ABCA10: variants seen among roughly 807,000 people sequenced by gnomAD.
The protein encoded by ABCA10 is ATP binding cassette subfamily A member 10.
Under a neutral mutation model 187.5 loss-of-function variants are expected in ABCA10, and 169 were observed. The observed-to-expected ratio is 0.90, with a 90% CI of 0.80 to 1.02. The LOEUF is 1.02. Ranked by LOEUF, ABCA10 falls within the 50% of genes least tolerant of loss-of-function variation. The pLI is 0.00. For synonymous variants in ABCA10, 574 were observed against 601.8 expected (o/e 0.95, Z 0.68); for missense variants, 1,727 against 1,812.4 (o/e 0.95, Z 0.86).
rs556399645 is a variant in ABCA10, at chr17:69,237,539, G to T, written c.-593+6990C>A. ...CATCCCCCTCCCACTTGCATCTTTA[G>T]GTCTTTAAGGGTGGCACTAACTTCT... On this transcript the variant is annotated intron_variant, in intron 1 of 39. Coordinates refer to the ABCA10 transcript ENST00000269081. Among the ~76,000 whole-genome samples, 50 of 152,244 alleles carry T rather than the reference G, an allele frequency of 3.3e-4. No homozygotes were observed. In the South Asian group the frequency reaches 0.01, roughly 32 times the overall value.
chr17:69,163,554 TAG>T (rs1396875418), intron 27 of ABCA10, among the ~76,000 whole-genome samples: 4 of 152,310 alleles, frequency 2.6e-5, no homozygotes, highest in African/African-American at 9.6e-5. Context: ...AAAACAAATT[TAG>T]AGGTTTCTTC....
intron 30 of ABCA10, 70 bp from the exon 31 acceptor site, chr17:69,154,396 G>A (rs1249457379): frequency 9.4e-7 from 1 of 1,069,512 alleles, no homozygotes; most frequent in Non-Finnish European, 1.3e-6. Context: ...TTGGTTGGTT[G>A]CATAACATTT....
rs180763281 is a variant in ABCA10, at chr17:69,151,126, C to T, written c.4397+917G>A. 3.1e-3 allele frequency among the ~76,000 whole-genome samples: 467 copies of T among 152,302 alleles called. 1 individual carries two copies. The highest frequency in any genetic ancestry group is 0.011 in the African/African-American group (445 of 41,572). ...GTGAGCCACAGGTCTACATCTCTTACTTTGGCATCTCCACTTGGATATCTC... is the reference window on the plus strand; with the variant it reads ...GTGAGCCACAGGTCTACATCTCTTATTTTGGCATCTCCACTTGGATATCTC... On this transcript the variant is annotated intron_variant, in intron 36 of 38. Coordinates refer to ENST00000690296, the MANE Select transcript of ABCA10 (RefSeq NM_001377321.1).
chr17:69,175,970 G>A (rs2074331429), intron 22 of ABCA10, among the ~76,000 whole-genome samples: 1 of 152,054 alleles, frequency 6.6e-6, no homozygotes, highest in Non-Finnish European at 1.5e-5. Flanking sequence ...AGAACAGCAT[G>A]CAATTTAAAA....
At chr17:69,196,768 C>A (rs904369053) in intron 11 of ABCA10, among the ~76,000 whole-genome samples, 1 of 152,188 alleles carries the variant, frequency 6.6e-6, no homozygotes, top group African/African-American at 2.4e-5. Context: ...CCCAGCACCT[C>A]GCGAGGCTGA....
intron 28 of ABCA10, among the ~76,000 whole-genome samples, chr17:69,156,618 G>A (rs2074176377): frequency 6.6e-6 from 1 of 151,976 alleles, no homozygotes. Context: ...AATATAGCAA[G>A]ATCCTGTCTC....
intron 9 of ABCA10, among the ~76,000 whole-genome samples, chr17:69,210,940 T>C (rs558774773): frequency 6.6e-6 from 1 of 150,454 alleles, no homozygotes; most frequent in South Asian, 2.1e-4. Context: ...ACCACTTTAC[T>C]CCTGCAAAAT....
At chr17:69,173,593 G>A (rs1225335505) in intron 25 of ABCA10, among the ~76,000 whole-genome samples, 1 of 152,116 alleles carries the variant, frequency 6.6e-6, no homozygotes, top group Non-Finnish European at 1.5e-5. Flanking sequence ...ATGAGCCTGG[G>A]GAGAGAGTTT....
Position 69,160,087 on chromosome 17 carries a change from C to T in ABCA10, c.3364-3164G>A, listed in dbSNP as rs374969627. Among the ~76,000 whole-genome samples, 15 of 152,124 alleles carry T rather than the reference C, an allele frequency of 9.9e-5. No individual in the cohort carries two copies. In the East Asian group the frequency reaches 1.7e-3, roughly 18 times the overall value. ...GGACTAGACAGCGATTTATTCAATA[C>T]GACACTAAAAACACAAACAACAAAA... is the stretch of plus-strand genomic sequence containing the variant. On this transcript the variant is annotated intron_variant, in intron 27 of 38. Transcript: ENST00000690296.
At chr17:69,151,165 T>G (rs558289966) in intron 36 of ABCA10, among the ~76,000 whole-genome samples, 2 of 152,310 alleles carry the variant, frequency 1.3e-5, no homozygotes, top group East Asian at 3.9e-4. Flanking sequence ...ACACATCAAC[T>G]ACATGAGCTT....
chr17:69,152,515 A>G (rs759803362), intron 34 of ABCA10, 34 bp from the exon 35 acceptor site: 3 of 1,580,176 alleles, frequency 1.9e-6, no homozygotes, highest in Non-Finnish European at 2.6e-6. Flanking sequence ...TTGCATTTAG[A>G]AAGTAATTTG....
chr17:69,239,658 C>T (rs1280761064), intron 1 of ABCA10, among the ~76,000 whole-genome samples: 2 of 152,012 alleles, frequency 1.3e-5, no homozygotes, highest in Non-Finnish European at 2.9e-5. Context: ...AATTGTGTCC[C>T]CATGGTTTCT....
upstream of ABCA10, among the ~76,000 whole-genome samples, chr17:69,230,989 C>A (rs2074828432): frequency 6.6e-6 from 1 of 152,086 alleles, no homozygotes; most frequent in African/African-American, 2.4e-5. Context: ...ATCTTATAAA[C>A]TAGCTCATCT....
At chr17:69,148,984 T>C in intron 38 of ABCA10, 49 bp downstream of exon 38, 1 of 1,613,266 alleles carries the variant, frequency 6.2e-7, no homozygotes, top group Non-Finnish European at 8.5e-7. Flanking sequence ...AAAGATGGAT[T>C]CACACAGAGG....
At chr17:69,206,097 T>G (rs932042398) in intron 9 of ABCA10, among the ~76,000 whole-genome samples, 1 of 152,208 alleles carries the variant, frequency 6.6e-6, no homozygotes, top group Non-Finnish European at 1.5e-5. Context: ...ATACAATGTC[T>G]GTGAACAAAG....
chr17:69,221,454 T>C (rs1283029239), intron 5 of ABCA10, among the ~76,000 whole-genome samples: 1 of 152,106 alleles, frequency 6.6e-6, no homozygotes, highest in Admixed American at 6.6e-5. Context: ...GAGAAGAATC[T>C]AGCAGAAAGG....
In ABCA10 at chr17:69,152,100, A is replaced by C. The variant is rs1251097041; in HGVS notation, c.4340T>G (p.Val1447Gly). 2 of 1,613,782 alleles carry C rather than the reference A, an allele frequency of 1.2e-6. No homozygotes were observed. Among genetic ancestry groups the C allele is most frequent in the Non-Finnish European group, 1.7e-6 (2 of 1,179,954 alleles). ...LEIKMKEPTQVEALHTEILKL... is the reference protein window; with the variant it reads ...LEIKMKEPTQGEALHTEILKL... ...CAAAATCTCTGTGTGGAGAGCTTCC[A>C]CCTGGGTAGGTTCTTTCATTTTTAT... The change falls in exon 36 of 39, where the codon GTG becomes GGG. Residue 1447 changes from valine to glycine, a missense_variant. Val to Gly is a moderately radical substitution (Grantham distance 109). Transcript: ENST00000690296.
At chr17:69,225,078 T>C (rs1298365995) in intron 3 of ABCA10, among the ~76,000 whole-genome samples, 1 of 151,998 alleles carries the variant, frequency 6.6e-6, no homozygotes, top group African/African-American at 2.4e-5. Flanking sequence ...TGCAACAATA[T>C]GTTCTAGTAT....
At chr17:69,160,373 C>T (rs1365953517) in intron 27 of ABCA10, among the ~76,000 whole-genome samples, 1 of 152,132 alleles carries the variant, frequency 6.6e-6, no homozygotes, top group Non-Finnish European at 1.5e-5. Context: ...CTTTGGGAGG[C>T]TGAGGCAGGT....
Sources: allele counts gnomAD v4.1 joint callset (sites outside exome capture counted in the v4.1 genomes callset), GRCh38; gene constraint gnomAD v4.1.1; transcripts MANE v1.5; gene names NCBI Gene and HGNC (gene_info 2026-07-23, HGNC 2026-07-21).